The following TEX9 variants were observed in gnomAD, a reference collection of about 807,000 sequenced individuals.
TEX9 encodes testis-expressed protein 9.
A neutral mutation model predicts 59.6 loss-of-function variants in TEX9; 74 were observed. The observed-to-expected ratio is 1.24, with a 90% CI of 1.03 to 1.51. The LOEUF (loss-of-function observed/expected upper bound fraction) is 1.51, where lower values mean the gene tolerates loss of function less well. TEX9 is among the 40% of genes most tolerant of loss of function. The pLI is 0.00. For missense variants in TEX9, 522 were observed against 447.8 expected, an observed-to-expected ratio of 1.17 and a Z score of -1.49; for synonymous variants, 186 against 152.2, an observed-to-expected ratio of 1.22 and a Z score of -1.64.
intron 1 of TEX9, among the ~76,000 whole-genome samples, chr15:56,330,533 A>G (rs1021499666): frequency 2.6e-5 from 4 of 152,166 alleles, no homozygotes; most frequent in African/African-American, 7.2e-5. Flanking sequence ...AAAGTAGAGG[A>G]ACAAAATTAG....
chr15:56,381,880 G>A (rs2047743605), intron 3 of TEX9, among the ~76,000 whole-genome samples: 1 of 152,126 alleles, frequency 6.6e-6, no homozygotes, highest in Non-Finnish European at 1.5e-5. Flanking sequence ...GTTCACTCAA[G>A]GCCCTAGAGC....
chr15:56,333,165 A>G (rs765678986), intron 1 of TEX9, among the ~76,000 whole-genome samples: 5 of 152,198 alleles, frequency 3.3e-5, no homozygotes, highest in Non-Finnish European at 7.4e-5. Context: ...AAACCATTCT[A>G]TGAGGACAGT....
intron 1 of TEX9, among the ~76,000 whole-genome samples, chr15:56,325,288 G>T (rs75332181): frequency 0.016 from 2,447 of 152,268 alleles, 64 homozygotes; most frequent in African/African-American, 0.056. Flanking sequence ...GTGAAAGAAA[G>T]AACAGATCCT....
chr15:56,306,052 A>G (rs2141594478), intron 1 of TEX9, among the ~76,000 whole-genome samples: 1 of 152,296 alleles, frequency 6.6e-6, no homozygotes, highest in South Asian at 2.1e-4. Flanking sequence ...CAAAACTACA[A>G]TGAGATAACA....
chr15:56,438,127 T>C (rs2050759661), intron 12 of TEX9, among the ~76,000 whole-genome samples: 1 of 152,126 alleles, frequency 6.6e-6, no homozygotes, highest in Non-Finnish European at 1.5e-5. Flanking sequence ...TTAAAATTCA[T>C]ATGGAACCAA....
intron 12 of TEX9, among the ~76,000 whole-genome samples, chr15:56,438,778 G>T (rs1596258069): frequency 2.0e-5 from 3 of 152,078 alleles, no homozygotes; most frequent in African/African-American, 7.2e-5. Flanking sequence ...AATCTAAAAA[G>T]AACTCAAATT....
At chr15:56,370,045 A>C (rs1443658834) in intron 2 of TEX9, among the ~76,000 whole-genome samples, 12 of 152,182 alleles carry the variant, frequency 7.9e-5, no homozygotes, top group African/African-American at 2.9e-4. Context: ...TTTTATAACC[A>C]GTCTGATAAT....
At chr15:56,377,892 C>T (rs2047531966) in intron 3 of TEX9, among the ~76,000 whole-genome samples, 1 of 152,046 alleles carries the variant, frequency 6.6e-6, no homozygotes, top group African/African-American at 2.4e-5. Context: ...AGGTCTGTTC[C>T]TTTTATACTC....
chr15:56,431,900 CAT>C (rs550793978), intron 12 of TEX9, among the ~76,000 whole-genome samples: 4 of 150,084 alleles, frequency 2.7e-5, no homozygotes, highest in Non-Finnish European at 3.0e-5. Flanking sequence ...AGGATATTTT[CAT>C]ATATATATAT....
In TEX9 at chr15:56,445,062, C is replaced by T. The variant is rs190216389; in HGVS notation, c.*30-609C>T. 4.6e-5 allele frequency among the ~76,000 whole-genome samples: 7 copies of T among 152,134 alleles called. No homozygotes were observed. The East Asian group carries it at 1.4e-3, about 29-fold the overall frequency. On this transcript the variant is annotated intron_variant, in intron 12 of 12. Coordinates refer to ENST00000352903, the Ensembl canonical transcript of TEX9. ...CATCGTTTTTAGCTTCATTGTTTAT[C>T]AGCTGCTATTTAAAGATGGTACTGC...
chr15:56,442,482 T>C (rs1322712536), intron 12 of TEX9, among the ~76,000 whole-genome samples: 1 of 152,152 alleles, frequency 6.6e-6, no homozygotes, highest in Non-Finnish European at 1.5e-5. Context: ...AGATATGGAA[T>C]CCACCTAGAT....
chr15:56,384,550 T>G (rs997950032), intron 4 of TEX9, among the ~76,000 whole-genome samples: 2 of 152,218 alleles, frequency 1.3e-5, no homozygotes, highest in African/African-American at 2.4e-5. Context: ...TCACTACTGC[T>G]GCATTGAATG....
intron 12 of TEX9, chr15:56,431,601 T>A: frequency 9.3e-7 from 1 of 1,075,594 alleles, no homozygotes; most frequent in South Asian, 1.6e-5. Context: ...ATTGATGAAC[T>A]ATTTATGACA....
At chr15:56,403,191 A>C (rs1333887228) in intron 9 of TEX9, among the ~76,000 whole-genome samples, 1 of 152,234 alleles carries the variant, frequency 6.6e-6, no homozygotes, top group South Asian at 2.1e-4. Context: ...GAGGAAGTCA[A>C]ATTGTCCCTG....
intron 1 of TEX9, among the ~76,000 whole-genome samples, chr15:56,266,135 T>C (rs1217586376): frequency 6.7e-6 from 1 of 148,414 alleles, no homozygotes; most frequent in Non-Finnish European, 1.5e-5. Flanking sequence ...AATTTCTCTC[T>C]TTTTTTTTTG....
intron 1 of TEX9, among the ~76,000 whole-genome samples, chr15:56,313,627 C>G (rs1468717478): frequency 8.1e-4 from 108 of 133,946 alleles, no homozygotes; most frequent in Admixed American, 1.4e-3. Context: ...TGTTGTGTCT[C>G]TGCCTGGCTT....
At chr15:56,263,317 C>T (rs2044309889) in intron 1 of TEX9, among the ~76,000 whole-genome samples, 2 of 152,182 alleles carry the variant, frequency 1.3e-5, no homozygotes, top group Admixed American at 1.3e-4. Context: ...GCCACCGTGC[C>T]TGGCCACGGG....
chr15:56,249,377 C>G (rs2043952946), intron 1 of TEX9, among the ~76,000 whole-genome samples: 1 of 145,934 alleles, frequency 6.9e-6, no homozygotes, highest in Admixed American at 6.9e-5. Flanking sequence ...AGCAATCTGT[C>G]TTTCAAGTTT....
intron 1 of TEX9, among the ~76,000 whole-genome samples, chr15:56,342,030 G>A (rs1175168867): frequency 1.3e-5 from 2 of 151,716 alleles, no homozygotes; most frequent in Admixed American, 6.6e-5. Context: ...CTATTACATT[G>A]ATATAGTTTC....
Sources: allele counts gnomAD v4.1 joint callset (sites outside exome capture counted in the v4.1 genomes callset), GRCh38; gene constraint gnomAD v4.1.1; transcripts MANE v1.5; gene names NCBI Gene and HGNC (gene_info 2026-07-23, HGNC 2026-07-21).